The following LDB2 variants were observed in gnomAD, a reference collection of about 807,000 sequenced individuals.
LDB2 encodes the protein LIM domain-binding protein 2.
Under a neutral mutation model 44.3 loss-of-function variants are expected in LDB2, and 12 were observed. The observed-to-expected ratio is 0.27, with a 90% CI of 0.17 to 0.44. The LOEUF is 0.44. Ranked by LOEUF, LDB2 falls within the 20% of genes least tolerant of loss-of-function variation. LDB2 has a pLI of 1.00. For missense variants in LDB2, 344 were observed against 473.5 expected (o/e 0.73, Z 2.54); for synonymous variants, 164 against 174.8 (o/e 0.94, Z 0.49).
At chr4:16,838,781 C>G (rs1474587901) in intron 1 of LDB2, among the ~76,000 whole-genome samples, 1 of 152,182 alleles carries the variant, frequency 6.6e-6, no homozygotes, top group African/African-American at 2.4e-5. Flanking sequence ...ATTCAGCCTT[C>G]CATGCACTGA....
At chr4:16,566,939 G>A (rs1044746921) in intron 5 of LDB2, among the ~76,000 whole-genome samples, 3 of 152,166 alleles carry the variant, frequency 2.0e-5, no homozygotes, top group African/African-American at 7.2e-5. Flanking sequence ...AAATGAAAAT[G>A]AGATGCTATT....
intron 2 of LDB2, among the ~76,000 whole-genome samples, chr4:16,685,582 A>G (rs2152572812): frequency 6.6e-6 from 1 of 152,284 alleles, no homozygotes; most frequent in East Asian, 1.9e-4. Flanking sequence ...TGTATGTGAA[A>G]TTAAGTAGCA....
intron 2 of LDB2, among the ~76,000 whole-genome samples, chr4:16,662,297 GA>G (rs1428977805): frequency 6.6e-6 from 1 of 151,964 alleles, no homozygotes; most frequent in African/African-American, 2.4e-5. Flanking sequence ...CAACACAGAA[GA>G]CACTCAGTAA....
chr4:16,565,010 T>C (rs1743989512), intron 5 of LDB2, among the ~76,000 whole-genome samples: 1 of 152,222 alleles, frequency 6.6e-6, no homozygotes, highest in Admixed American at 6.5e-5. Flanking sequence ...TACAAGAAAT[T>C]GTAAATAAAT....
chr4:16,652,922 A>G (rs887397869), intron 2 of LDB2, among the ~76,000 whole-genome samples: 6 of 152,222 alleles, frequency 3.9e-5, no homozygotes, highest in Non-Finnish European at 5.9e-5. Flanking sequence ...TGAATATAAC[A>G]TATGCCTCTC....
chr4:16,790,288 C>T (rs1775426519), intron 1 of LDB2, among the ~76,000 whole-genome samples: 1 of 152,178 alleles, frequency 6.6e-6, no homozygotes, highest in Admixed American at 6.5e-5. Flanking sequence ...GGTCTGCATG[C>T]CCTCAAAGTT....
intron 5 of LDB2, among the ~76,000 whole-genome samples, chr4:16,559,943 G>T (rs1348710259): frequency 6.6e-6 from 1 of 152,140 alleles, no homozygotes. Context: ...CATGGAAACT[G>T]AACAACCTGC....
At chr4:16,763,061 C>G (rs963062808) in intron 1 of LDB2, among the ~76,000 whole-genome samples, 1 of 140,618 alleles carries the variant, frequency 7.1e-6, no homozygotes, top group African/African-American at 2.7e-5. Context: ...AGAATGGGCA[C>G]ATTAGGTAAC....
chr4:16,581,458 A>T, intron 5 of LDB2: 1 of 985,152 alleles, frequency 1.0e-6, no homozygotes, highest in Non-Finnish European at 1.2e-6. Context: ...TATATCACTC[A>T]GCCAGGGTGT....
chr4:16,557,714 G>C (rs1740273982), intron 5 of LDB2, among the ~76,000 whole-genome samples: 1 of 152,202 alleles, frequency 6.6e-6, no homozygotes, highest in Non-Finnish European at 1.5e-5. Flanking sequence ...AGAGAGCAGT[G>C]GTTCTCCCAG....
Position 16,742,610 on chromosome 4 carries a change from C to T in LDB2, c.235+16548G>A, listed in dbSNP as rs1486782286. On this transcript the variant is annotated intron_variant, in intron 2 of 7. Transcript: ENST00000304523. Reference sequence around the variant, plus strand: ...GTGACTATGGTGATAGGATTCAACGCACCACATTCAACAGACATGTGGCCA... The same window carrying T: ...GTGACTATGGTGATAGGATTCAACGTACCACATTCAACAGACATGTGGCCA... Among the ~76,000 whole-genome samples, 8 of 152,130 alleles carry T rather than the reference C, an allele frequency of 5.3e-5. No homozygotes were observed. The East Asian group carries it at 9.7e-4, about 18-fold the overall frequency.
chr4:16,816,655 C>A (rs1780986457), intron 1 of LDB2, among the ~76,000 whole-genome samples: 1 of 152,050 alleles, frequency 6.6e-6, no homozygotes, highest in African/African-American at 2.4e-5. Flanking sequence ...AAGCGATCCG[C>A]CCGCCTTGGC....
chr4:16,589,710 G>A (rs1239186752), intron 3 of LDB2, among the ~76,000 whole-genome samples: 2 of 152,214 alleles, frequency 1.3e-5, no homozygotes, highest in East Asian at 3.9e-4. Flanking sequence ...TATGAGCTAG[G>A]AAGTGGTGGT....
At chr4:16,869,625 G>A (rs565758807) in intron 1 of LDB2, among the ~76,000 whole-genome samples, 6 of 152,264 alleles carry the variant, frequency 3.9e-5, no homozygotes, top group South Asian at 2.1e-4. Flanking sequence ...AAATCCAAGC[G>A]CAGAGAGTTC....
intron 1 of LDB2, among the ~76,000 whole-genome samples, chr4:16,887,364 T>A (rs1722068564): frequency 6.6e-6 from 1 of 152,208 alleles, no homozygotes; most frequent in South Asian, 2.1e-4. Context: ...CTCATAACCA[T>A]TCCAGCCCTG....
In LDB2 at chr4:16,809,575, T is replaced by C. The variant is rs76313138; in HGVS notation, c.133-50315A>G. ...TATCAGGGAGTGGATTTCTGTCCCT[T>C]ATAGGATTTACGAAGATTCTTTGAG... On this transcript the variant is annotated intron_variant, in intron 1 of 7. Coordinates refer to ENST00000304523, the MANE Select transcript of LDB2 (RefSeq NM_001290.5). 3.5e-3 allele frequency among the ~76,000 whole-genome samples: 526 copies of C among 152,282 alleles called. 4 individuals are homozygous for C. The highest frequency in any genetic ancestry group is 0.012 in the African/African-American group (509 of 41,550).
At position 16,526,076 on chromosome 4, in the gene LDB2, T is replaced by G. The variant is rs147394748; in HGVS notation, c.616-13972A>C. Among the ~76,000 whole-genome samples, 838 of 152,326 alleles carry G rather than the reference T, an allele frequency of 5.5e-3. 13 individuals carry two copies. The highest frequency in any genetic ancestry group is 0.019 in the African/African-American group (807 of 41,570). On this transcript the variant is annotated intron_variant, in intron 5 of 7. Transcript: ENST00000304523. ...CTGGATTAAGGGATACCTAAAATCC[T>G]GGTAAAGTGGTATTTCTGGGTATGT...
intron 1 of LDB2, among the ~76,000 whole-genome samples, chr4:16,781,201 G>T (rs1317966572): frequency 6.6e-6 from 1 of 152,184 alleles, no homozygotes; most frequent in Admixed American, 6.5e-5. Context: ...CAGATCAGAA[G>T]CCAGGCTGAG....
chr4:16,531,633 A>G (rs1015616372), intron 5 of LDB2, among the ~76,000 whole-genome samples: 2 of 152,190 alleles, frequency 1.3e-5, no homozygotes, highest in African/African-American at 4.8e-5. Flanking sequence ...TCAGGTTCAC[A>G]TGGCTTCTCA....
Sources: gnomAD v4.1 joint callset for allele counts (sites outside exome capture counted in the v4.1 genomes callset) on GRCh38, gnomAD v4.1.1 for gene constraint, MANE v1.5 for transcripts, NCBI Gene and HGNC (gene_info 2026-07-23, HGNC 2026-07-21) for gene names.